Variants in CSMD1 observed in about 807,000 individuals in gnomAD.
CSMD1 encodes the protein CUB and Sushi multiple domains 1.
Under a neutral mutation model 417.5 loss-of-function variants are expected in CSMD1, and 213 were observed. The observed-to-expected ratio is 0.51, with a 90% CI of 0.46 to 0.57. CSMD1 has a LOEUF of 0.57. CSMD1 is among the 20% of genes least tolerant of loss of function. The pLI is 0.00. For synonymous variants in CSMD1, 2,862 were observed against 1,736.8 expected (o/e 1.65, Z -16.11); for missense variants, 6,923 against 4,529.7 (o/e 1.53, Z -15.17).
chr8:4,808,847 C>A (rs1798733727), intron 1 of CSMD1, among the ~76,000 whole-genome samples: 1 of 152,218 alleles, frequency 6.6e-6, no homozygotes, highest in Non-Finnish European at 1.5e-5. Flanking sequence ...TAAAAGTTAT[C>A]TCTCCATGTC....
At chr8:4,526,179 G>C (rs962294022) in intron 2 of CSMD1, among the ~76,000 whole-genome samples, 18 of 152,184 alleles carry the variant, frequency 1.2e-4, no homozygotes, top group African/African-American at 2.7e-4. Context: ...TGTGATTTTT[G>C]AGTAGAAACT....
At chr8:3,502,312 C>T (rs1796636610) in intron 10 of CSMD1, among the ~76,000 whole-genome samples, 1 of 143,014 alleles carries the variant, frequency 7.0e-6, no homozygotes, top group South Asian at 2.2e-4. Flanking sequence ...TTGCAGTGAG[C>T]TGAGATCGCG....
chr8:4,147,613 G>A (rs902439175), intron 3 of CSMD1, among the ~76,000 whole-genome samples: 5 of 152,094 alleles, frequency 3.3e-5, no homozygotes, highest in Admixed American at 3.3e-4. Context: ...CCCTAATGCA[G>A]CTGGACATGT....
At chr8:3,389,192 T>C (rs957323036) in intron 17 of CSMD1, among the ~76,000 whole-genome samples, 22 of 152,136 alleles carry the variant, frequency 1.4e-4, no homozygotes, top group African/African-American at 5.3e-4. Context: ...TGGGAGTTTG[T>C]TGTACAGATT....
intron 2 of CSMD1, among the ~76,000 whole-genome samples, chr8:4,463,097 A>G (rs1415113784): frequency 6.6e-6 from 1 of 152,206 alleles, no homozygotes; most frequent in East Asian, 1.9e-4. Context: ...ACTCAGCAAT[A>G]AAAAGACAAA....
intron 1 of CSMD1, among the ~76,000 whole-genome samples, chr8:4,863,103 G>T (rs913938652): frequency 6.6e-6 from 1 of 152,032 alleles, no homozygotes; most frequent in African/African-American, 2.4e-5. Flanking sequence ...AAGCTCAGTG[G>T]CTAGGATCAT....
intron 11 of CSMD1, among the ~76,000 whole-genome samples, chr8:3,476,025 GTTCTA>G (rs1478868075): frequency 1.1e-4 from 17 of 152,174 alleles, no homozygotes; most frequent in Admixed American, 1.1e-3. Flanking sequence ...TGGTTCAATA[GTTCTA>G]TTCTAATCTA....
intron 25 of CSMD1, among the ~76,000 whole-genome samples, chr8:3,302,229 C>G (rs552278299): frequency 6.6e-6 from 1 of 152,178 alleles, no homozygotes; most frequent in Admixed American, 6.5e-5. Context: ...TTTGGATCAG[C>G]TTCCACCATT....
chr8:3,998,032 T>C lies in CSMD1; in HGVS notation c.689A>G (p.Asn230Ser), dbSNP rs765318263. ...AATGGTCCAGGTGCAGTCCGCGTTG[T>C]TCTCGTACTCTGAAGGGAAGTGCGG... The part of the protein sequence containing the change: ...SSPHFPSEYE[N>S]NADCTWTILA... The change falls in exon 5 of 70, where the codon AAC becomes AGC. Residue 230 changes from asparagine to serine, a missense_variant. Coordinates refer to ENST00000635120, the MANE Select transcript of CSMD1 (RefSeq NM_033225.6). 1.2e-6 allele frequency: 2 copies of C among 1,604,832 alleles called. No homozygotes were observed. The highest frequency in any genetic ancestry group is 2.2e-5 in the South Asian group (2 of 89,204).
intron 3 of CSMD1, among the ~76,000 whole-genome samples, chr8:4,162,987 G>C (rs914348830): frequency 6.6e-6 from 1 of 152,290 alleles, no homozygotes; most frequent in East Asian, 1.9e-4. Flanking sequence ...GAATCACAAA[G>C]TGGGTAACCT....
intron 53 of CSMD1, among the ~76,000 whole-genome samples, chr8:2,999,353 G>A (rs1807195246): frequency 6.6e-6 from 1 of 151,900 alleles, no homozygotes; most frequent in Admixed American, 6.6e-5. Context: ...ATGGGGTTTT[G>A]CCATCGGCCA....
intron 5 of CSMD1, among the ~76,000 whole-genome samples, chr8:3,793,238 C>G (rs1273277916): frequency 6.6e-6 from 1 of 152,160 alleles, no homozygotes; most frequent in Non-Finnish European, 1.5e-5. Context: ...CTGTTCCAGA[C>G]CTTAATGGTC....
intron 5 of CSMD1, among the ~76,000 whole-genome samples, chr8:3,952,748 G>A (rs1168581697): frequency 3.9e-5 from 6 of 152,142 alleles, no homozygotes. Flanking sequence ...CTTATTGTAT[G>A]TTATGTTTAT....
At chr8:3,391,295 A>C (rs2116830374) in intron 17 of CSMD1, among the ~76,000 whole-genome samples, 1 of 152,362 alleles carries the variant, frequency 6.6e-6, no homozygotes, top group South Asian at 2.1e-4. Flanking sequence ...TTTACAAGTG[A>C]TGAATCTTTC....
chr8:3,805,575 A>G (rs1800685753), intron 5 of CSMD1, among the ~76,000 whole-genome samples: 3 of 152,172 alleles, frequency 2.0e-5, no homozygotes, highest in Admixed American at 2.0e-4. Context: ...GAAACAGGTG[A>G]AACCTTTCTG....
intron 3 of CSMD1, among the ~76,000 whole-genome samples, chr8:4,328,365 C>G (rs1407728384): frequency 6.6e-6 from 1 of 150,818 alleles, no homozygotes; most frequent in African/African-American, 2.4e-5. Flanking sequence ...TGCACATAAG[C>G]TATGGAGGCA....
At position 4,056,282 on chromosome 8, in the gene CSMD1, C is replaced by G. The variant is rs539006289; in HGVS notation, c.416-24183G>C. ...TTTTTTAGTAGAGATGGAGTTTCACCATGTTGGCCTGGCTCGTCTCAAACT... is the reference window on the plus strand; with the variant it reads ...TTTTTTAGTAGAGATGGAGTTTCACGATGTTGGCCTGGCTCGTCTCAAACT... On this transcript the variant is annotated intron_variant, in intron 3 of 69. Coordinates refer to ENST00000635120, the MANE Select transcript of CSMD1 (RefSeq NM_033225.6). Among the ~76,000 whole-genome samples, 4 of 151,752 alleles carry G rather than the reference C, an allele frequency of 2.6e-5. No individual in the cohort carries two copies. The East Asian group carries it at 7.8e-4, about 30-fold the overall frequency.
chr8:3,349,027 T>G (rs1455663223), intron 21 of CSMD1, among the ~76,000 whole-genome samples: 1 of 152,128 alleles, frequency 6.6e-6, no homozygotes, highest in Non-Finnish European at 1.5e-5. Context: ...CCAAGAGAGC[T>G]CCACAGGAGT....
intron 3 of CSMD1, among the ~76,000 whole-genome samples, chr8:4,267,598 A>C (rs1309684737): frequency 6.6e-6 from 1 of 152,018 alleles, no homozygotes; most frequent in South Asian, 2.1e-4. Context: ...CTTGGTTGGT[A>C]GAAAAAAATG....
Sources: allele counts gnomAD v4.1 joint callset (sites outside exome capture counted in the v4.1 genomes callset), GRCh38; gene constraint gnomAD v4.1.1; transcripts MANE v1.5; gene names NCBI Gene and HGNC (gene_info 2026-07-23, HGNC 2026-07-21).